Variants in PRR12 observed in about 807,000 individuals in gnomAD.
The protein encoded by PRR12 is proline rich 12.
In PRR12, 12 loss-of-function variants were observed where a neutral mutation model predicts 138.0. That is an observed-to-expected ratio of 0.09 (90% CI 0.06 to 0.14). The LOEUF (loss-of-function observed/expected upper bound fraction) is 0.14, where lower values mean the gene tolerates loss of function less well. Among genes scored for constraint, PRR12 ranks in the 10% least tolerant of loss-of-function variants. PRR12 has a pLI of 1.00. For synonymous variants in PRR12, 1,567 were observed against 1,291.7 expected (o/e 1.21, Z -4.57); for missense variants, 2,692 against 2,861.3 (o/e 0.94, Z 1.35).
rs373218764 is a variant in PRR12 at position 49,601,605 on chromosome 19, C to G, written c.4460C>G (p.Pro1487Arg). 6.5e-7 allele frequency: 1 copy of G among 1,543,530 alleles called. No individual in the cohort carries two copies. Among genetic ancestry groups the G allele is most frequent in the East Asian group, 2.4e-5 (1 of 40,862 alleles). The stretch of plus-strand genomic sequence containing the variant: ...CAGCCAGCCCTGCCCTCGCCACCCC[C>G]GCTGGTGGCCCCCACGCCCAGCTCA... ...PPQPALPSPPPLVAPTPSSPP... is the reference protein window; with the variant it reads ...PPQPALPSPPRLVAPTPSSPP... Residue 1487 changes from proline (P) to arginine (R), a missense_variant, in exon 6 of 14, where the codon CCG becomes CGG. Physicochemically the swap from Pro to Arg is moderately radical, Grantham distance 103. Around this residue, in one of 11 missense-constraint regions of PRR12, gnomAD observed 231 missense variants for 200.8 expected, o/e 1.15. Coordinates refer to ENST00000418929, the MANE Select transcript of PRR12 (RefSeq NM_020719.3).
At chr19:49,593,250 T>A in intron 1 of PRR12, 77 bp from the exon 2 acceptor site, 7 of 422,216 alleles carry the variant, frequency 1.7e-5, no homozygotes, top group East Asian at 4.8e-5. Context: ...TCCCCCCAAC[T>A]CCCCGGGGGG....
In PRR12 at chr19:49,624,515, A is replaced by G. The variant is rs571994927; in HGVS notation, c.5722-329A>G. 3.7e-3 allele frequency among the ~76,000 whole-genome samples: 494 copies of G among 134,306 alleles called. 3 individuals are homozygous for G. Among genetic ancestry groups the G allele is most frequent in the South Asian group, 0.029 (119 of 4,078 alleles). 88.1% of individuals were successfully genotyped at this position (134,306 alleles called of 152,430 possible). A position where few individuals can be genotyped will look rare whatever the true frequency, so the allele number is the denominator to read the frequency against. Reference sequence around the variant, plus strand: ...GGGGTAGGTGGTTAGGATGGGGCTGAGAATTCTGGGATAGATGGTTAGGAT... The same window carrying G: ...GGGGTAGGTGGTTAGGATGGGGCTGGGAATTCTGGGATAGATGGTTAGGAT... On this transcript the variant is annotated intron_variant, in intron 11 of 13. Transcript: ENST00000418929.
At chr19:49,605,578 AT>A (rs2080834253) in intron 6 of PRR12, among the ~76,000 whole-genome samples, 1 of 152,228 alleles carries the variant, frequency 6.6e-6, no homozygotes, top group African/African-American at 2.4e-5. Context: ...CCATATTCTT[AT>A]CCCCGACTCA....
chr19:49,604,101 G>A (rs2080826248), intron 6 of PRR12, among the ~76,000 whole-genome samples: 2 of 152,234 alleles, frequency 1.3e-5, no homozygotes, highest in Admixed American at 1.3e-4. Context: ...TTACAGGCAT[G>A]AACCACCGCG....
At chr19:49,606,229 C>G (rs2080837174) in intron 6 of PRR12, among the ~76,000 whole-genome samples, 1 of 152,038 alleles carries the variant, frequency 6.6e-6, no homozygotes, top group African/African-American at 2.4e-5. Context: ...GTCTTGAACT[C>G]TTGGGCTCAA....
At chr19:49,600,874 A>G (rs1342854522) in intron 5 of PRR12, among the ~76,000 whole-genome samples, 4 of 151,874 alleles carry the variant, frequency 2.6e-5, no homozygotes, top group African/African-American at 9.7e-5. Context: ...ACAGGCGCGC[A>G]CCACCATGCC....
At chr19:49,592,229 G>T (rs1355568617) in intron 1 of PRR12, among the ~76,000 whole-genome samples, 1 of 152,242 alleles carries the variant, frequency 6.6e-6, no homozygotes, top group East Asian at 1.9e-4. Flanking sequence ...AATTCCGCGC[G>T]CAGAGTGGGC....
chr19:49,620,387 G>A lies in PRR12; in HGVS notation c.5533G>A (p.Ala1845Thr), dbSNP rs376817213. ...AVPGRLLKTR[A>T]MREMYRSYVE... ...ACCTGGGCGTCTGCTCAAAACCAGG[G>A]CGATGCGGGAGATGTACCGGAGCTA... Residue 1845 changes from alanine to threonine, a missense_variant, in exon 10 of 14, where the codon GCG (alanine) becomes ACG (threonine). Transcript: ENST00000418929. 4 of 1,612,568 alleles carry A rather than the reference G, an allele frequency of 2.5e-6. No homozygotes were observed. The highest frequency in any genetic ancestry group is 3.4e-6 in the Non-Finnish European group (4 of 1,179,432).
At chr19:49,621,430 G>A in intron 10 of PRR12, 95 bp from the exon 11 acceptor site, 1 of 970,502 alleles carries the variant, frequency 1.0e-6, no homozygotes. Flanking sequence ...CTCTGAGTGG[G>A]AAGGGGATTT....
rs896132576 is a variant in PRR12, at chr19:49,600,655, A to T, written c.4345+717A>T. On this transcript the variant is annotated intron_variant, in intron 5 of 13. Transcript: ENST00000418929. ...GTGACAGAGCAAGACCCTGTCTTAA[A>T]CAAAAAACCCCAAAAACAAAACAAA... Among the ~76,000 whole-genome samples, 6 of 151,928 alleles carry T rather than the reference A, an allele frequency of 3.9e-5. No individual in the cohort carries two copies. The East Asian group carries it at 1.2e-3, about 29-fold the overall frequency.
At chr19:49,598,056 C>G (rs1164612058) in intron 4 of PRR12, 43 bp downstream of exon 4, 15 of 1,274,214 alleles carry the variant, frequency 1.2e-5, no homozygotes, top group Non-Finnish European at 1.5e-5. Context: ...GGAGGAGGAG[C>G]TGTGTCCGAT....
At chr19:49,598,518 G>T (rs2080791030) in intron 4 of PRR12, among the ~76,000 whole-genome samples, 1 of 152,120 alleles carries the variant, frequency 6.6e-6, no homozygotes, top group East Asian at 1.9e-4. Flanking sequence ...AAAGACCTAA[G>T]AATTGAAATT....
chr19:49,608,955 A>G (rs764109667), intron 6 of PRR12, among the ~76,000 whole-genome samples: 2 of 152,172 alleles, frequency 1.3e-5, no homozygotes, highest in Non-Finnish European at 2.9e-5. Context: ...CCGTCTGTCA[A>G]CTGGGACTGT....
intron 4 of PRR12, among the ~76,000 whole-genome samples, chr19:49,598,672 T>C (rs776950809): frequency 3.9e-5 from 6 of 152,040 alleles, no homozygotes; most frequent in Non-Finnish European, 8.8e-5. Flanking sequence ...AACACAAAAA[T>C]TTAGCCAGGT....
chr19:49,591,612 C>G lies in PRR12; in HGVS notation c.-43C>G, dbSNP rs753459980. 33 of 367,162 alleles carry G rather than the reference C, an allele frequency of 9.0e-5. 1 individual carries two copies. The South Asian group carries it at 9.2e-4, about 10-fold the overall frequency. The allele number at this position is 367,162 out of a possible 1,614,324, so 22.7% of individuals were successfully genotyped here. ...GAGCGCGCGCGCGCCCCCTCCCTCC[C>G]TCCCTCCCTCCCCCTCCCCCCAATT... On this transcript the variant is annotated 5_prime_UTR_variant, in exon 1 of 14. Transcript: ENST00000418929.
chr19:49,624,852 G>C lies in PRR12; in HGVS notation c.5730G>C (p.Leu1910=). 6.2e-7 allele frequency: 1 copy of C among 1,611,394 alleles called. No individual in the cohort carries two copies. Among genetic ancestry groups the C allele is most frequent in the East Asian group, 2.2e-5 (1 of 44,866 alleles). Residue 1910 remains leucine (L), a synonymous_variant, in exon 12 of 14, where the codon CTG becomes CTC. Transcript: ENST00000418929. The part of the protein sequence containing the change: ...LSLSPALQDA[L]HTFPQLQVEQ... ...CCATTGGCTTCCCGCAGGATGCTCT[G>C]CACACGTTCCCACAGCTGCAAGTGG...
At chr19:49,602,958 C>G (rs1194648656) in intron 6 of PRR12, among the ~76,000 whole-genome samples, 2 of 152,242 alleles carry the variant, frequency 1.3e-5, no homozygotes, top group African/African-American at 2.4e-5. Context: ...AAACTATGGC[C>G]CCTAGGCCAA....
intron 10 of PRR12, among the ~76,000 whole-genome samples, chr19:49,621,045 G>A (rs1410057249): frequency 3.5e-5 from 4 of 115,524 alleles, no homozygotes; most frequent in East Asian, 2.9e-4. Flanking sequence ...TGGGTCTGAG[G>A]GAGGAGGGGC....
rs1305736722 is a variant in PRR12 at position 49,621,571 on chromosome 19, T to C, written c.5670T>C (p.Asn1890=). The C allele has an allele frequency of 8.7e-6, 14 of 1,607,428 alleles. No individual in the cohort carries two copies. Among genetic ancestry groups the C allele is most frequent in the East Asian group, 2.2e-5 (1 of 44,656 alleles). ...TGCGGAAGATAGACGGCCTGCTGAA[T>C]GAGCACAAGAAGAAAGTCCTGAAGC... The part of the protein sequence containing the change: ...PPMRKIDGLL[N]EHKKKVLKRL... The change falls in exon 11 of 14, where the codon AAT becomes AAC. Residue 1890 remains asparagine (N), a synonymous_variant. Transcript: ENST00000418929.
Sources: allele counts gnomAD v4.1 joint callset (sites outside exome capture counted in the v4.1 genomes callset), GRCh38; gene constraint gnomAD v4.1.1; regional missense constraint gnomAD v4.1.1; transcripts MANE v1.5; gene names NCBI Gene and HGNC (gene_info 2026-07-23, HGNC 2026-07-21).